SLC30A7: variants seen among roughly 807,000 people sequenced by gnomAD.
SLC30A7 encodes zinc transporter 7.
SLC30A7 carries 35 observed loss-of-function variants against 46.0 expected under a neutral mutation model. The ratio of observed to expected loss-of-function variants is 0.76; its 90% CI spans 0.58 to 1.01. The LOEUF (loss-of-function observed/expected upper bound fraction) is 1.01, where lower values mean the gene tolerates loss of function less well. Ranked by LOEUF, SLC30A7 falls within the 50% of genes least tolerant of loss-of-function variation. The pLI is 0.00. For synonymous variants in SLC30A7, 147 were observed against 157.8 expected, an observed-to-expected ratio of 0.93 and a Z score of 0.51; for missense variants, 464 against 451.1, an observed-to-expected ratio of 1.03 and a Z score of -0.26.
At chr1:100,957,470 T>A (rs1655289502) in intron 8 of SLC30A7, among the ~76,000 whole-genome samples, 1 of 152,200 alleles carries the variant, frequency 6.6e-6, no homozygotes, top group South Asian at 2.1e-4. Context: ...CCACTTTTTC[T>A]TATTGAATGG....
chr1:100,920,146 T>G (rs1652848644), intron 7 of SLC30A7, among the ~76,000 whole-genome samples: 1 of 152,042 alleles, frequency 6.6e-6, no homozygotes, highest in South Asian at 2.1e-4. Flanking sequence ...CAAGAACAAA[T>G]CATTATTTTC....
chr1:100,908,568 T>C (rs947784945), intron 3 of SLC30A7, among the ~76,000 whole-genome samples: 2 of 152,208 alleles, frequency 1.3e-5, no homozygotes, highest in African/African-American at 4.8e-5. Context: ...TCATTGTACA[T>C]TTTATAGTAT....
At chr1:100,911,903 A>T (rs1652124517) in intron 4 of SLC30A7, among the ~76,000 whole-genome samples, 1 of 152,120 alleles carries the variant, frequency 6.6e-6, no homozygotes, top group Admixed American at 6.5e-5. Flanking sequence ...TATGCTTTTA[A>T]ATATTTGTAT....
At chr1:100,954,538 A>C (rs908787142) in intron 8 of SLC30A7, among the ~76,000 whole-genome samples, 61 of 152,274 alleles carry the variant, frequency 4.0e-4, no homozygotes, top group African/African-American at 1.4e-3. Flanking sequence ...TGTTATAACT[A>C]AGTTCCAGAA....
Position 100,961,886 on chromosome 1 carries a change from T to C in SLC30A7, c.901T>C (p.Leu301=), listed in dbSNP as rs1291828933. 1 of 1,607,092 alleles carries C rather than the reference T, an allele frequency of 6.2e-7. No individual in the cohort carries two copies. The highest frequency in any genetic ancestry group is 8.5e-7 in the Non-Finnish European group (1 of 1,175,678). The change falls in exon 9 of 11, where the codon TTA becomes CTA. Residue 301 remains leucine, a synonymous_variant. Coordinates refer to ENST00000357650, the MANE Select transcript of SLC30A7 (RefSeq NM_133496.5). ...ATTAATGCAGAGAACTCCTCCCCTATTAGAAAATAGTCTGCCTCAGTGCTA... is the reference window on the plus strand; with the variant it reads ...ATTAATGCAGAGAACTCCTCCCCTACTAGAAAATAGTCTGCCTCAGTGCTA... ...GILMQRTPPL[L]ENSLPQCYQR...
chr1:100,906,983 A>G lies in SLC30A7; in HGVS notation c.296+18A>G, dbSNP rs966954180. 1 of 1,519,636 alleles carries G rather than the reference A, an allele frequency of 6.6e-7. No homozygotes were observed. Among genetic ancestry groups the G allele is most frequent in the Non-Finnish European group, 9.1e-7 (1 of 1,101,462 alleles). 94.1% of individuals were successfully genotyped at this position (1,519,636 alleles called of 1,614,324 possible). On this transcript the variant is annotated intron_variant, in intron 3 of 10. Coordinates refer to ENST00000357650, the MANE Select transcript of SLC30A7 (RefSeq NM_133496.5). ...TCCTATGGGTAAGACTTTAAGAAAAAAAATCTTTTTATTGAAGTATAAGAT... is the reference window on the plus strand; with the variant it reads ...TCCTATGGGTAAGACTTTAAGAAAAGAAATCTTTTTATTGAAGTATAAGAT...
At chr1:100,925,031 G>A (rs898252423) in intron 8 of SLC30A7, among the ~76,000 whole-genome samples, 2 of 152,212 alleles carry the variant, frequency 1.3e-5, no homozygotes, top group African/African-American at 4.8e-5. Context: ...ATGCCAAATA[G>A]TTATTTGTAT....
Position 100,896,278 on chromosome 1 carries a change from A to C in SLC30A7, c.16A>C (p.Ile6Leu). 6.2e-7 allele frequency: 1 copy of C among 1,614,230 alleles called. No individual in the cohort carries two copies. The highest frequency in any genetic ancestry group is 8.5e-7 in the Non-Finnish European group (1 of 1,180,040). Residue 6 changes from isoleucine (I) to leucine (L), a missense_variant, in exon 1 of 11, where the codon ATC (isoleucine) becomes CTC (leucine). Transcript: ENST00000357650. ...GGCAGAGAAGATGTTGCCCCTGTCC[A>C]TCAAAGACGATGAATACAAACCACC... Reference protein sequence around the residue: MLPLSIKDDEYKPPKF... With the variant: MLPLSLKDDEYKPPKF...
intron 4 of SLC30A7, among the ~76,000 whole-genome samples, chr1:100,911,653 G>A (rs1034439179): frequency 6.6e-6 from 1 of 152,036 alleles, no homozygotes; most frequent in Non-Finnish European, 1.5e-5. Context: ...TGGTGTAAGC[G>A]ATTCTCCTTC....
chr1:100,935,452 A>G (rs569764158), intron 8 of SLC30A7, among the ~76,000 whole-genome samples: 1 of 152,306 alleles, frequency 6.6e-6, no homozygotes, highest in Non-Finnish European at 1.5e-5. Context: ...CATTTTATGC[A>G]TTTTATGAAG....
At chr1:100,908,465 A>T (rs925059524) in intron 3 of SLC30A7, among the ~76,000 whole-genome samples, 2 of 152,308 alleles carry the variant, frequency 1.3e-5, no homozygotes, top group African/African-American at 4.8e-5. Flanking sequence ...GCCAAAAAGG[A>T]GATGTGGAGT....
At chr1:100,983,375 C>CAAAAAAAAAAAAAAAA (rs779529890), downstream of SLC30A7, among the ~76,000 whole-genome samples, 2 of 76,488 alleles carry the variant, frequency 2.6e-5, no homozygotes, top group African/African-American at 9.8e-5. Flanking sequence ...TACTTTGAGG[C>CAAAAAAAAAAAAAAAA]AAAAAAAAAA....
At chr1:100,933,723 A>G (rs1167586819) in intron 8 of SLC30A7, among the ~76,000 whole-genome samples, 2 of 152,138 alleles carry the variant, frequency 1.3e-5, no homozygotes, top group Non-Finnish European at 2.9e-5. Flanking sequence ...AGCTTCATCC[A>G]TGTCCCTACA....
chr1:100,918,571 A>G (rs961769845), intron 7 of SLC30A7, among the ~76,000 whole-genome samples: 1 of 152,086 alleles, frequency 6.6e-6, no homozygotes, highest in Non-Finnish European at 1.5e-5. Flanking sequence ...GTCCTAATAA[A>G]CCCGTGGTAA....
At chr1:100,899,951 A>AT (rs1651199431) in intron 2 of SLC30A7, among the ~76,000 whole-genome samples, 3 of 151,994 alleles carry the variant, frequency 2.0e-5, no homozygotes, top group South Asian at 2.1e-4. Flanking sequence ...AAAGTCAAGG[A>AT]TTTTTTACTA....
intron 10 of SLC30A7, among the ~76,000 whole-genome samples, chr1:100,967,571 T>G (rs1655934757): frequency 6.6e-6 from 1 of 152,182 alleles, no homozygotes; most frequent in Admixed American, 6.5e-5. Context: ...TGACATTATA[T>G]TCCTCCTGAT....
intron 2 of SLC30A7, among the ~76,000 whole-genome samples, chr1:100,906,119 TCA>T (rs1651649465): frequency 1.3e-5 from 2 of 152,354 alleles, no homozygotes; most frequent in African/African-American, 2.4e-5. Flanking sequence ...TTTCCACAAA[TCA>T]CAGTCTTTGA....
chr1:100,913,807 G>A lies in SLC30A7; in HGVS notation c.655+1G>A. On this transcript the variant is annotated splice_donor_variant, in intron 6 of 10. Coordinates refer to ENST00000357650, the MANE Select transcript of SLC30A7 (RefSeq NM_133496.5). LOFTEE classifies it high-confidence loss of function. ...GGACATGGACACTTTCATTCTCATGGTGAGTACAGCCTAGAGACAAATGGA... is the reference window on the plus strand; with the variant it reads ...GGACATGGACACTTTCATTCTCATGATGAGTACAGCCTAGAGACAAATGGA... 1 of 1,613,846 alleles carries A rather than the reference G, an allele frequency of 6.2e-7. No individual in the cohort carries two copies. The highest frequency in any genetic ancestry group is 8.5e-7 in the Non-Finnish European group (1 of 1,179,826).
chr1:100,921,707 T>C lies in SLC30A7; in HGVS notation c.708T>C (p.Gly236=). ...ATTTTTATTATGGTTTATTTCTAGGTGTATTTTTACATATCCTAGCAGATA... is the reference window on the plus strand; with the variant it reads ...ATTTTTATTATGGTTTATTTCTAGGCGTATTTTTACATATCCTAGCAGATA... ...TTGPSRQILQ[G]VFLHILADTL... The change falls in exon 8 of 11, where the codon GGT becomes GGC. Residue 236 remains glycine (G), a splice_region_variant and synonymous_variant. Transcript: ENST00000357650. The C allele has an allele frequency of 2.5e-6, 4 of 1,606,834 alleles. No homozygotes were observed. The highest frequency in any genetic ancestry group is 3.4e-6 in the Non-Finnish European group (4 of 1,175,010).
Sources: allele counts gnomAD v4.1 joint callset (sites outside exome capture counted in the v4.1 genomes callset), GRCh38; gene constraint gnomAD v4.1.1; transcripts MANE v1.5; gene names NCBI Gene and HGNC (gene_info 2026-07-23, HGNC 2026-07-21).